The following ROBO2 variants were observed in gnomAD, a reference collection of about 807,000 sequenced individuals.
ROBO2 encodes roundabout guidance receptor 2, also known as roundabout homolog 2.
A neutral mutation model predicts 160.8 loss-of-function variants in ROBO2; 53 were observed. The observed-to-expected ratio is 0.33, with a 90% confidence interval of 0.26 to 0.41. ROBO2 has a LOEUF of 0.41. Ranked by LOEUF, ROBO2 falls within the 10% of genes least tolerant of loss-of-function variation. The pLI, the probability that ROBO2 is intolerant of heterozygous loss-of-function variation, is 1.00. For missense variants in ROBO2, 1,577 were observed against 1,722.4 expected, an observed-to-expected ratio of 0.92 and a Z score of 1.49; for synonymous variants, 664 against 611.7, an observed-to-expected ratio of 1.09 and a Z score of -1.26.
chr3:76,060,613 A>T (rs575434948), intron 2 of ROBO2, among the ~76,000 whole-genome samples: 26 of 152,320 alleles, frequency 1.7e-4, no homozygotes, highest in African/African-American at 6.3e-4. Flanking sequence ...ATCCCTAACA[A>T]TGGGAAGTAT....
chr3:77,097,271 T>C (rs2071209756), intron 1 of ROBO2, among the ~76,000 whole-genome samples: 1 of 152,224 alleles, frequency 6.6e-6, no homozygotes. Context: ...TTGTCATTTT[T>C]CATTCTTTAC....
At chr3:76,805,514 T>C (rs778769865) in intron 2 of ROBO2, among the ~76,000 whole-genome samples, 53 of 151,902 alleles carry the variant, frequency 3.5e-4, no homozygotes, top group Non-Finnish European at 7.5e-4. Context: ...CACACACACA[T>C]ATGTATATAT....
intron 2 of ROBO2, among the ~76,000 whole-genome samples, chr3:77,125,862 TA>T (rs2075272428): frequency 1.3e-5 from 2 of 152,182 alleles, no homozygotes; most frequent in African/African-American, 2.4e-5. Flanking sequence ...ACAATTGTCA[TA>T]AAAATATGGC....
At chr3:76,426,434 T>G (rs2076223053) in intron 2 of ROBO2, among the ~76,000 whole-genome samples, 1 of 152,154 alleles carries the variant, frequency 6.6e-6, no homozygotes, top group Non-Finnish European at 1.5e-5. Flanking sequence ...AATACAAAAA[T>G]GATCAACAGA....
At chr3:77,612,675 G>A (rs1445643692) in intron 21 of ROBO2, among the ~76,000 whole-genome samples, 2 of 152,060 alleles carry the variant, frequency 1.3e-5, no homozygotes, top group Non-Finnish European at 2.9e-5. Flanking sequence ...GGCTAGGCGC[G>A]GTAGCTCACT....
intron 2 of ROBO2, among the ~76,000 whole-genome samples, chr3:77,130,481 A>G: frequency 6.6e-6 from 1 of 152,226 alleles, no homozygotes; most frequent in Non-Finnish European, 1.5e-5. Context: ...CATTAAAATG[A>G]TGTATAACAT....
chr3:75,916,095 GA>G (rs1946799022), intron 1 of ROBO2, among the ~76,000 whole-genome samples: 1 of 152,108 alleles, frequency 6.6e-6, no homozygotes. Context: ...ATGGCACATT[GA>G]TTAATCACCA....
At position 76,724,973 on chromosome 3, in the gene ROBO2, T is replaced by A. The variant is rs181857365; in HGVS notation, c.110-373041T>A. Among the ~76,000 whole-genome samples the A allele has an allele frequency of 7.1e-3, 1,082 of 152,190 alleles. 6 individuals are homozygous for A. The highest frequency in any genetic ancestry group is 0.017 in the African/African-American group (726 of 41,536). ...GGGAACTCCAGCAGCCATCAGAAGC[T>A]ATAATAAAAGTGGCAAGCAGCATGT... On this transcript the variant is annotated intron_variant, in intron 2 of 26. Coordinates refer to the ROBO2 transcript ENST00000487694.
chr3:76,946,275 A>T (rs1268002507), intron 2 of ROBO2, among the ~76,000 whole-genome samples: 4 of 152,096 alleles, frequency 2.6e-5, no homozygotes, highest in Non-Finnish European at 5.9e-5. Context: ...ATCTCCAAAG[A>T]TTAGTTTTCC....
intron 2 of ROBO2, among the ~76,000 whole-genome samples, chr3:76,731,197 C>A (rs2093632956): frequency 6.6e-6 from 1 of 152,108 alleles, no homozygotes; most frequent in Non-Finnish European, 1.5e-5. Context: ...CTATTTTAAC[C>A]AACATGACAA....
At chr3:76,743,301 A>C (rs180712749) in intron 2 of ROBO2, among the ~76,000 whole-genome samples, 27 of 152,228 alleles carry the variant, frequency 1.8e-4, no homozygotes, top group Admixed American at 1.5e-3. Flanking sequence ...AAGGTAATGG[A>C]GTCCTAGAGA....
At chr3:76,699,277 A>T (rs745311046) in intron 2 of ROBO2, among the ~76,000 whole-genome samples, 36 of 152,180 alleles carry the variant, frequency 2.4e-4, no homozygotes, top group Non-Finnish European at 4.0e-4. Context: ...GGTCTGTTGA[A>T]TAAACAAAAT....
chr3:77,598,487 G>GTATATATATATATA (rs369073693), intron 19 of ROBO2, among the ~76,000 whole-genome samples: 1 of 136,950 alleles, frequency 7.3e-6, no homozygotes, highest in African/African-American at 2.7e-5. Flanking sequence ...TATATAGTGT[G>GTATATATATATATA]TATATATATA....
chr3:77,012,319 G>T (rs943295815), intron 2 of ROBO2, among the ~76,000 whole-genome samples: 1 of 152,046 alleles, frequency 6.6e-6, no homozygotes, highest in African/African-American at 2.4e-5. Context: ...GTTTGTCTTT[G>T]GATCTTACCT....
intron 2 of ROBO2, among the ~76,000 whole-genome samples, chr3:76,913,937 T>G (rs1487889110): frequency 7.1e-6 from 1 of 141,816 alleles, no homozygotes; most frequent in Admixed American, 7.1e-5. Flanking sequence ...TAACTGTGAA[T>G]AATACTCCAT....
intron 2 of ROBO2, among the ~76,000 whole-genome samples, chr3:76,569,272 T>C (rs1032586161): frequency 2.0e-5 from 3 of 152,136 alleles, no homozygotes; most frequent in African/African-American, 7.2e-5. Context: ...GGGATGCATA[T>C]ACTAGATGTT....
intron 2 of ROBO2, among the ~76,000 whole-genome samples, chr3:76,332,881 G>A (rs993152726): frequency 6.6e-6 from 1 of 152,170 alleles, no homozygotes; most frequent in Non-Finnish European, 1.5e-5. Context: ...GGAATTGTGT[G>A]TGTTTTTTGT....
At position 76,640,511 on chromosome 3, in the gene ROBO2, G is replaced by C. The variant is rs938031937; in HGVS notation, c.110-457503G>C. 3.5e-4 allele frequency among the ~76,000 whole-genome samples: 53 copies of C among 151,248 alleles called. 1 individual carries two copies. Among genetic ancestry groups the C allele is most frequent in the Non-Finnish European group, 5.7e-4 (39 of 67,878 alleles). ...GGGCCTTGACACTCCATCCAGCCTGGGCAACGAGTGAAGCTCCGTCTCAAA... is the reference window on the plus strand; with the variant it reads ...GGGCCTTGACACTCCATCCAGCCTGCGCAACGAGTGAAGCTCCGTCTCAAA... On this transcript the variant is annotated intron_variant, in intron 2 of 26. Coordinates refer to the ROBO2 transcript ENST00000487694.
At chr3:77,460,208 T>C (rs2082104777) in intron 2 of ROBO2, among the ~76,000 whole-genome samples, 1 of 152,196 alleles carries the variant, frequency 6.6e-6, no homozygotes, top group East Asian at 1.9e-4. Context: ...CAGGATGGTG[T>C]GAGTGTGTTC....
Sources: allele counts gnomAD v4.1 joint callset (sites outside exome capture counted in the v4.1 genomes callset), GRCh38; gene constraint gnomAD v4.1.1; transcripts MANE v1.5; gene names NCBI Gene and HGNC (gene_info 2026-07-23, HGNC 2026-07-21).